SLC30A8: variants seen among roughly 807,000 people sequenced by gnomAD.
SLC30A8 encodes the protein solute carrier family 30 member 8.
Under a neutral mutation model 36.9 loss-of-function variants are expected in SLC30A8, and 27 were observed. That is an observed-to-expected ratio of 0.73 (90% CI 0.54 to 1.01). The LOEUF is 1.01. SLC30A8 is among the 50% of genes least tolerant of loss of function. The probability of loss-of-function intolerance (pLI) is 0.00; values close to 1 mark genes in which losing one functional copy is unlikely to be tolerated. For missense variants in SLC30A8, 439 were observed against 452.0 expected (o/e 0.97, Z 0.26); for synonymous variants, 164 against 172.4 (o/e 0.95, Z 0.38).
At chr8:117,150,602 T>C (rs1822135025) in intron 2 of SLC30A8, among the ~76,000 whole-genome samples, 1 of 152,192 alleles carries the variant, frequency 6.6e-6, no homozygotes, top group Non-Finnish European at 1.5e-5. Flanking sequence ...CTATCGAGAC[T>C]TTAAAAGAAA....
At chr8:117,172,417 A>G in intron 7 of SLC30A8, 119 bp from the exon 8 acceptor site, 1 of 1,343,624 alleles carries the variant, frequency 7.4e-7, no homozygotes, top group Non-Finnish European at 1.1e-6. Flanking sequence ...GCTTCCTCTG[A>G]GTGCCCTGCC....
chr8:117,088,243 G>A (rs1349960510), intron 2 of SLC30A8, among the ~76,000 whole-genome samples: 3 of 152,132 alleles, frequency 2.0e-5, no homozygotes, highest in Non-Finnish European at 2.9e-5. Flanking sequence ...ATTGTTTTAT[G>A]TGCAACATTC....
chr8:116,990,417 A>G (rs898405208), intron 1 of SLC30A8, among the ~76,000 whole-genome samples: 2 of 152,158 alleles, frequency 1.3e-5, no homozygotes, highest in Non-Finnish European at 2.9e-5. Flanking sequence ...GTACTTTCCG[A>G]TATCATGTAG....
At chr8:116,980,958 A>T (rs1586356908) in intron 1 of SLC30A8, among the ~76,000 whole-genome samples, 1 of 152,360 alleles carries the variant, frequency 6.6e-6, no homozygotes, top group Middle Eastern at 3.4e-3. Context: ...TTGCTGCATA[A>T]CAAGTCACCC....
chr8:116,994,005 A>T (rs1355309494), intron 1 of SLC30A8, among the ~76,000 whole-genome samples: 1 of 151,878 alleles, frequency 6.6e-6, no homozygotes, highest in Admixed American at 6.6e-5. Flanking sequence ...GAGAAATGGG[A>T]TCTGTAATTA....
intron 4 of SLC30A8, among the ~76,000 whole-genome samples, chr8:117,158,686 G>A (rs1428906974): frequency 6.6e-6 from 1 of 152,194 alleles, no homozygotes; most frequent in Non-Finnish European, 1.5e-5. Context: ...AGGCAATGGG[G>A]TTTTGAGGCC....
At chr8:117,149,256 G>GT (rs1822052702) in intron 2 of SLC30A8, among the ~76,000 whole-genome samples, 1 of 152,122 alleles carries the variant, frequency 6.6e-6, no homozygotes, top group South Asian at 2.1e-4. Flanking sequence ...TTTTGACTTT[G>GT]TTTTTTAAAG....
At chr8:117,049,352 T>A (rs1217531161) in intron 2 of SLC30A8, among the ~76,000 whole-genome samples, 1 of 152,238 alleles carries the variant, frequency 6.6e-6, no homozygotes, top group African/African-American at 2.4e-5. Flanking sequence ...CAGAAACACA[T>A]GAAGAGATTA....
chr8:117,024,748 T>G (rs1816819727), intron 1 of SLC30A8, among the ~76,000 whole-genome samples: 1 of 152,206 alleles, frequency 6.6e-6, no homozygotes, highest in Non-Finnish European at 1.5e-5. Flanking sequence ...CCATAAATAT[T>G]TATGTTCTTT....
intron 1 of SLC30A8, among the ~76,000 whole-genome samples, chr8:116,992,763 A>G (rs967054118): frequency 1.3e-5 from 2 of 152,212 alleles, no homozygotes; most frequent in African/African-American, 4.8e-5. Flanking sequence ...GACTTAAACT[A>G]TGGTAATGAA....
rs114881319 is a variant in SLC30A8 at position 117,153,580 on chromosome 8, C to T, written c.418+490C>T. On this transcript the variant is annotated intron_variant, in intron 3 of 7. Coordinates refer to ENST00000456015, the MANE Select transcript of SLC30A8 (RefSeq NM_173851.3). The stretch of plus-strand genomic sequence containing the variant: ...CATTGGTCCAATTGAATATCTTGCT[C>T]GCTCAATCAACAATAATGCAAAAAA... 5.0e-3 allele frequency among the ~76,000 whole-genome samples: 765 copies of T among 152,206 alleles called. 8 individuals carry two copies. The highest frequency in any genetic ancestry group is 0.017 in the African/African-American group (718 of 41,534).
At chr8:117,117,698 T>C (rs1820505710) in intron 2 of SLC30A8, among the ~76,000 whole-genome samples, 1 of 151,962 alleles carries the variant, frequency 6.6e-6, no homozygotes, top group African/African-American at 2.4e-5. Flanking sequence ...GAACTTGCAG[T>C]TCTAGCTCTA....
intron 2 of SLC30A8, among the ~76,000 whole-genome samples, chr8:117,129,291 T>A (rs72687119): frequency 0.057 from 8,738 of 152,132 alleles, 294 homozygotes; most frequent in East Asian, 0.12. Context: ...GGGAGCCTTG[T>A]GTTTATTAAA....
chr8:117,091,276 C>T (rs898594582), intron 2 of SLC30A8, among the ~76,000 whole-genome samples: 2 of 152,266 alleles, frequency 1.3e-5, no homozygotes, highest in South Asian at 4.1e-4. Flanking sequence ...TTGAACGGGG[C>T]ATGAACAAAA....
chr8:116,987,276 G>A (rs1276333498), intron 1 of SLC30A8, among the ~76,000 whole-genome samples: 8 of 141,920 alleles, frequency 5.6e-5, no homozygotes, highest in Non-Finnish European at 1.2e-4. Context: ...ATCACACACC[G>A]GAGCCTGTTG....
intron 1 of SLC30A8, among the ~76,000 whole-genome samples, chr8:116,997,184 C>A (rs1815850452): frequency 6.6e-6 from 1 of 152,134 alleles, no homozygotes; most frequent in African/African-American, 2.4e-5. Context: ...TGCTTACCAT[C>A]CACCTCTGAA....
intron 2 of SLC30A8, among the ~76,000 whole-genome samples, chr8:117,055,041 C>G (rs1817828649): frequency 6.6e-6 from 1 of 152,136 alleles, no homozygotes; most frequent in Non-Finnish European, 1.5e-5. Flanking sequence ...CCTCACTGGA[C>G]CTTAACTTGA....
chr8:117,143,427 A>G (rs563907084), intron 1 of SLC30A8, among the ~76,000 whole-genome samples: 5 of 152,280 alleles, frequency 3.3e-5, no homozygotes, highest in African/African-American at 1.2e-4. Context: ...CAGCAGATTC[A>G]CAATTCAGTG....
At chr8:116,973,926 C>G (rs1814882394) in intron 1 of SLC30A8, among the ~76,000 whole-genome samples, 1 of 152,162 alleles carries the variant, frequency 6.6e-6, no homozygotes, top group Non-Finnish European at 1.5e-5. Flanking sequence ...CTGACAAAAA[C>G]AAGAAATGGG....
Sources: allele counts gnomAD v4.1 joint callset (sites outside exome capture counted in the v4.1 genomes callset), GRCh38; gene constraint gnomAD v4.1.1; transcripts MANE v1.5; gene names NCBI Gene and HGNC (gene_info 2026-07-23, HGNC 2026-07-21).